Variants in LRGUK observed in about 807,000 individuals in gnomAD.
LRGUK encodes the protein leucine rich repeats and guanylate kinase domain containing.
In LRGUK, 65 loss-of-function variants were observed where a neutral mutation model predicts 76.0. That is an observed-to-expected ratio of 0.85 (90% CI 0.70 to 1.05). The LOEUF (loss-of-function observed/expected upper bound fraction) is 1.05, where lower values mean the gene tolerates loss of function less well. Among genes scored for constraint, LRGUK ranks in the 50% least tolerant of loss-of-function variants. The probability of loss-of-function intolerance (pLI) is 0.00; values close to 1 mark genes in which losing one functional copy is unlikely to be tolerated. For missense variants in LRGUK, 758 were observed against 732.8 expected, an observed-to-expected ratio of 1.03 and a Z score of -0.40; for synonymous variants, 268 against 265.6, an observed-to-expected ratio of 1.01 and a Z score of -0.09.
At chr7:134,143,929 A>G (rs903001549) in intron 4 of LRGUK, among the ~76,000 whole-genome samples, 1 of 152,198 alleles carries the variant, frequency 6.6e-6, no homozygotes, top group Non-Finnish European at 1.5e-5. Flanking sequence ...CCACTGGTCC[A>G]TCGGTCATAC....
At chr7:134,195,737 T>C (rs566498945) in intron 12 of LRGUK, among the ~76,000 whole-genome samples, 2 of 152,204 alleles carry the variant, frequency 1.3e-5, no homozygotes, top group South Asian at 4.1e-4. Context: ...CATATATATA[T>C]ATATAGAAAA....
chr7:134,217,508 T>C (rs990568178), intron 15 of LRGUK, among the ~76,000 whole-genome samples: 7 of 152,198 alleles, frequency 4.6e-5, no homozygotes, highest in Non-Finnish European at 1.0e-4. Context: ...CTTGGACTTA[T>C]GTGATAACTT....
chr7:134,131,151 C>T (rs570607926), intron 1 of LRGUK, among the ~76,000 whole-genome samples: 49 of 152,292 alleles, frequency 3.2e-4, no homozygotes, highest in Admixed American at 2.7e-3. Flanking sequence ...GCATGAAAAA[C>T]ACTTCTTTTC....
At chr7:134,207,259 C>T (rs538753054) in intron 15 of LRGUK, among the ~76,000 whole-genome samples, 5 of 152,254 alleles carry the variant, frequency 3.3e-5, no homozygotes, top group South Asian at 4.2e-4. Flanking sequence ...ATCATCACTA[C>T]CTATTTCCAA....
rs553547488 is a variant in LRGUK at position 134,137,855 on chromosome 7, G to GAA, written c.405+734_405+735dup. ...ACAGAGTAAATTTAGGTACATATGA[G>GAA]AAAAAAAAAACGCACATTGAAATTT... On this transcript the variant is annotated intron_variant, in intron 2 of 15. Transcript: ENST00000645682. 5.5e-4 allele frequency among the ~76,000 whole-genome samples: 81 copies of GAA among 148,224 alleles called. 1 individual carries two copies. The highest frequency in any genetic ancestry group is 1.6e-3 in the African/African-American group (64 of 40,288).
chr7:134,148,361 AT>A (rs745375538), intron 5 of LRGUK, 42 bp downstream of exon 5: 2 of 1,188,536 alleles, frequency 1.7e-6, no homozygotes, highest in South Asian at 2.7e-5. Flanking sequence ...TAAAAACAAT[AT>A]AAAAATTAAA....
the LRGUK span, among the ~76,000 whole-genome samples, chr7:134,271,198 T>C: frequency 2.6e-5 from 4 of 152,022 alleles, no homozygotes; most frequent in African/African-American, 9.7e-5. Context: ...TTATATATTC[T>C]GGTTAATAAT....
chr7:134,207,612 C>G (rs947270554), intron 15 of LRGUK, among the ~76,000 whole-genome samples: 2 of 152,138 alleles, frequency 1.3e-5, no homozygotes, highest in Non-Finnish European at 2.9e-5. Flanking sequence ...CAGTGAGAAC[C>G]CAGCAGTGCA....
chr7:134,157,984 C>T (rs1174312285), intron 5 of LRGUK, 51 bp from the exon 6 acceptor site: 15 of 1,542,206 alleles, frequency 9.7e-6, no homozygotes, highest in Middle Eastern at 1.7e-4. Flanking sequence ...TTCTTTTTTT[C>T]TTCCAAATGC....
intron 19 of LRGUK, among the ~76,000 whole-genome samples, chr7:134,260,964 G>C (rs1324465750): frequency 6.6e-6 from 1 of 152,214 alleles, no homozygotes; most frequent in Non-Finnish European, 1.5e-5. Context: ...GTGCTGGGGT[G>C]AGGCGGGGCA....
intron 11 of LRGUK, among the ~76,000 whole-genome samples, chr7:134,190,951 T>TAAGCAGTTCAG (rs1554467166): frequency 2.4e-5 from 1 of 40,828 alleles, no homozygotes; most frequent in Non-Finnish European, 6.1e-5. Context: ...AGCGGTGTGG[T>TAAGCAGTTCAG]GGGATGGGGA....
At chr7:134,178,429 G>A in intron 9 of LRGUK, 74 bp from the exon 10 acceptor site, 2 of 1,132,736 alleles carry the variant, frequency 1.8e-6, no homozygotes, top group Non-Finnish European at 2.5e-6. Context: ...ATTTCATTAA[G>A]GAAAAATCCA....
At chr7:134,181,513 C>A (rs112867335) in intron 10 of LRGUK, among the ~76,000 whole-genome samples, 2,259 of 70,748 alleles carry the variant, frequency 0.032, 24 homozygotes, top group Non-Finnish European at 0.043. Flanking sequence ...CCTTTCAATG[C>A]GTAGTGTTTT....
At position 134,183,686 on chromosome 7, in the gene LRGUK, T is replaced by C. The variant is rs754802882; in HGVS notation, c.1215-48T>C. ...GGCCTAATGGATGTAGTTAATGTGC[T>C]GTCTCCCTGACTGCAATAGGAGAAC... On this transcript the variant is annotated intron_variant, in intron 10 of 15. Coordinates refer to ENST00000645682, the Ensembl canonical transcript of LRGUK. The C allele has an allele frequency of 1.9e-6, 3 of 1,608,926 alleles. No homozygotes were observed. In the Admixed American group the frequency reaches 5.0e-5, roughly 27 times the overall value.
Position 134,201,468 on chromosome 7 carries a change from C to T in LRGUK, c.1748-13C>T, listed in dbSNP as rs1800765572. The T allele has an allele frequency of 6.2e-7, 1 of 1,606,250 alleles. No individual in the cohort carries two copies. The highest frequency in any genetic ancestry group is 2.2e-5 in the East Asian group (1 of 44,816). On this transcript the variant is annotated splice_polypyrimidine_tract_variant and intron_variant, in intron 14 of 15. Transcript: ENST00000645682. Reference sequence around the variant, plus strand: ...TGATCCTGTTGCTTTAAAATGTACTCTCTTTGCTGCAGATGATCTGGATGT... The same window carrying T: ...TGATCCTGTTGCTTTAAAATGTACTTTCTTTGCTGCAGATGATCTGGATGT...
intron 6 of LRGUK, among the ~76,000 whole-genome samples, chr7:134,160,484 T>C (rs1318277005): frequency 6.6e-6 from 1 of 152,218 alleles, no homozygotes; most frequent in East Asian, 1.9e-4. Context: ...CAATAGTTTT[T>C]AATGCTTTTA....
chr7:134,185,348 G>T (rs1276651960), intron 11 of LRGUK, among the ~76,000 whole-genome samples: 1 of 151,944 alleles, frequency 6.6e-6, no homozygotes, highest in Non-Finnish European at 1.5e-5. Context: ...ATCACTTGAA[G>T]CCAGGAGTTC....
chr7:134,139,893 TTTTC>T (rs1435560863), intron 3 of LRGUK, among the ~76,000 whole-genome samples: 7 of 152,194 alleles, frequency 4.6e-5, no homozygotes, highest in Non-Finnish European at 7.3e-5. Context: ...TAACAGATTC[TTTTC>T]TTTATTTTGC....
chr7:134,167,427 C>T (rs920420468), intron 7 of LRGUK, among the ~76,000 whole-genome samples: 2 of 152,194 alleles, frequency 1.3e-5, no homozygotes, highest in Non-Finnish European at 2.9e-5. Context: ...CTTCCTGGTG[C>T]CCTGGCTCCA....
Sources: gnomAD v4.1 joint callset for allele counts (sites outside exome capture counted in the v4.1 genomes callset) on GRCh38, gnomAD v4.1.1 for gene constraint, MANE v1.5 for transcripts, NCBI Gene and HGNC (gene_info 2026-07-23, HGNC 2026-07-21) for gene names.